The following MYO1H variants were observed in gnomAD, a reference collection of about 807,000 sequenced individuals.
The protein encoded by MYO1H is myosin IH, also known as unconventional myosin-Ih.
MYO1H carries 118 observed loss-of-function variants against 149.3 expected under a neutral mutation model. The ratio of observed to expected loss-of-function variants is 0.79; its 90% CI spans 0.68 to 0.92. MYO1H has a LOEUF of 0.92. MYO1H is among the 40% of genes least tolerant of loss of function. The pLI, the probability that MYO1H is intolerant of heterozygous loss-of-function variation, is 0.00. For synonymous variants in MYO1H, 447 were observed against 465.2 expected (o/e 0.96, Z 0.50); for missense variants, 1,212 against 1,280.7 (o/e 0.95, Z 0.82).
intron 21 of MYO1H, among the ~76,000 whole-genome samples, chr12:109,435,722 G>C (rs761967507): frequency 3.4e-4 from 51 of 152,198 alleles, no homozygotes; most frequent in Non-Finnish European, 5.0e-4. Flanking sequence ...TATCGTCTCC[G>C]CTTTCTATGC....
upstream of MYO1H, among the ~76,000 whole-genome samples, chr12:109,343,087 C>A (rs1315592637): frequency 1.3e-5 from 2 of 151,798 alleles, no homozygotes; most frequent in African/African-American, 2.4e-5. Context: ...CAAAAATTAA[C>A]TCTGAAAAAG....
upstream of MYO1H, among the ~76,000 whole-genome samples, chr12:109,347,116 T>C (rs2048105311): frequency 2.0e-5 from 3 of 152,202 alleles, no homozygotes; most frequent in Non-Finnish European, 1.5e-5. Flanking sequence ...GGGTGCTGTT[T>C]AGGTTCGAAT....
chr12:109,435,574 T>C (rs373024355), intron 21 of MYO1H, among the ~76,000 whole-genome samples: 4 of 152,258 alleles, frequency 2.6e-5, no homozygotes, highest in Admixed American at 1.3e-4. Context: ...AGCGTCTCTT[T>C]TGAAATGTAA....
At chr12:109,445,264 AGACATCAACT>A (rs1354235190) in intron 30 of MYO1H, 6 of 394,140 alleles carry the variant, frequency 1.5e-5, no homozygotes. Flanking sequence ...GTAGTTCCAT[AGACATCAACT>A]GACCCTTTGA....
chr12:109,381,395 A>G (rs987775354), intron 1 of MYO1H, among the ~76,000 whole-genome samples: 2 of 152,196 alleles, frequency 1.3e-5, no homozygotes, highest in African/African-American at 2.4e-5. Context: ...GCTGGATGAC[A>G]GAGTAAAAAT....
At chr12:109,426,928 C>T (rs1429180836) in intron 18 of MYO1H, among the ~76,000 whole-genome samples, 1 of 152,132 alleles carries the variant, frequency 6.6e-6, no homozygotes, top group Non-Finnish European at 1.5e-5. Context: ...CAGCTGTTGC[C>T]ATGTGGGACT....
At chr12:109,439,828 C>A in intron 24 of MYO1H, 38 bp downstream of exon 24, 1 of 1,580,962 alleles carries the variant, frequency 6.3e-7, no homozygotes, top group Admixed American at 1.7e-5. Flanking sequence ...TTGTAAGTAG[C>A]ACGGGCACTG....
At chr12:109,366,449 C>T (rs1050119620) in intron 1 of MYO1H, among the ~76,000 whole-genome samples, 2 of 152,144 alleles carry the variant, frequency 1.3e-5, no homozygotes, top group Non-Finnish European at 2.9e-5. Context: ...CCCCTCAAGG[C>T]TAACCATGTA....
At chr12:109,441,537 C>A (rs1001645624) in intron 25 of MYO1H, 78 bp from the exon 26 acceptor site, 11 of 878,602 alleles carry the variant, frequency 1.3e-5, no homozygotes, top group Middle Eastern at 4.6e-4. Context: ...AAGGATGTGA[C>A]CTCAATGGGT....
At chr12:109,327,671 A>G in the MYO1H span, among the ~76,000 whole-genome samples, 5 of 143,572 alleles carry the variant, frequency 3.5e-5, no homozygotes, top group African/African-American at 7.8e-5. Flanking sequence ...ACTTGAACCC[A>G]GGAGGCAGAG....
At chr12:109,446,501 C>T (rs1198320247) in intron 31 of MYO1H, 1 of 982,094 alleles carries the variant, frequency 1.0e-6, no homozygotes, top group East Asian at 1.1e-4. Context: ...CGGTGGCTCA[C>T]GCCTATAATC....
At chr12:109,340,677 G>C in the MYO1H span, among the ~76,000 whole-genome samples, 1 of 152,020 alleles carries the variant, frequency 6.6e-6, no homozygotes, top group Admixed American at 6.6e-5. Context: ...TAATGGATTA[G>C]TCTTTTTAAA....
chr12:109,420,885 T>C, intron 15 of MYO1H, 96 bp from the exon 16 acceptor site: 2 of 738,876 alleles, frequency 2.7e-6, no homozygotes, highest in Non-Finnish European at 4.8e-6. Context: ...TCCTAAGAAA[T>C]TCTTTTTCAG....
At chr12:109,432,848 C>T (rs1218947158) in intron 19 of MYO1H, 49 bp from the exon 20 acceptor site, 2 of 1,521,446 alleles carry the variant, frequency 1.3e-6, no homozygotes, top group Non-Finnish European at 1.8e-6. Flanking sequence ...TGGGGGAGGG[C>T]TAGAGGAAGG....
chr12:109,312,302 T>C, the MYO1H span, among the ~76,000 whole-genome samples: 1 of 152,098 alleles, frequency 6.6e-6, no homozygotes, highest in East Asian at 1.9e-4. Flanking sequence ...AAGCACCACC[T>C]CCCGGGTTCA....
exon 3 of MYO1H, chr12:109,393,359 T>C: frequency 6.3e-7 from 1 of 1,584,490 alleles, no homozygotes; most frequent in Non-Finnish European, 8.6e-7. Context: ...CTTGTGTCTG[T>C]GAATCCATAC....
chr12:109,416,795 C>A (rs1870930256), intron 15 of MYO1H, among the ~76,000 whole-genome samples: 1 of 152,074 alleles, frequency 6.6e-6, no homozygotes, highest in Admixed American at 6.6e-5. Context: ...TGAGACCAGC[C>A]TGGCCAAGAT....
At chr12:109,339,167 C>G in the MYO1H span, among the ~76,000 whole-genome samples, 2 of 151,930 alleles carry the variant, frequency 1.3e-5, no homozygotes, top group East Asian at 3.9e-4. Context: ...GAGTTGGAGA[C>G]CAGCCTGGCC....
chr12:109,407,600 CAAAAAA>C (rs776897477), intron 9 of MYO1H, among the ~76,000 whole-genome samples, 188 bp from the exon 10 acceptor site: 9 of 68,432 alleles, frequency 1.3e-4, no homozygotes, highest in African/African-American at 2.4e-4. Context: ...CACATTTCTA[CAAAAAA>C]AAAAAAAAAA....
Sources: gnomAD v4.1 joint callset for allele counts (sites outside exome capture counted in the v4.1 genomes callset) on GRCh38, gnomAD v4.1.1 for gene constraint, MANE v1.5 for transcripts, NCBI Gene and HGNC (gene_info 2026-07-23, HGNC 2026-07-21) for gene names.